LTBP2: variants seen among roughly 807,000 people sequenced by gnomAD.
LTBP2 encodes the protein latent transforming growth factor beta binding protein 2, also known as latent-transforming growth factor beta-binding protein 2.
Under a neutral mutation model 210.6 loss-of-function variants are expected in LTBP2, and 103 were observed. The ratio of observed to expected loss-of-function variants is 0.49; its 90% CI spans 0.42 to 0.58. The LOEUF (loss-of-function observed/expected upper bound fraction) is 0.58, where lower values mean the gene tolerates loss of function less well. Among genes scored for constraint, LTBP2 ranks in the 20% least tolerant of loss-of-function variants. The pLI, the probability that LTBP2 is intolerant of heterozygous loss-of-function variation, is 0.00. For synonymous variants in LTBP2, 1,007 were observed against 1,015.0 expected, an observed-to-expected ratio of 0.99 and a Z score of 0.15; for missense variants, 2,313 against 2,494.5, an observed-to-expected ratio of 0.93 and a Z score of 1.55.
At chr14:74,561,905 C>A (rs868667927) in intron 3 of LTBP2, among the ~76,000 whole-genome samples, 5 of 152,056 alleles carry the variant, frequency 3.3e-5, no homozygotes, top group South Asian at 2.1e-4. Flanking sequence ...GGCAGACATT[C>A]CAGATTAGAA....
intron 6 of LTBP2, among the ~76,000 whole-genome samples, chr14:74,551,752 C>CA: frequency 6.6e-6 from 1 of 152,206 alleles, no homozygotes; most frequent in East Asian, 1.9e-4. Context: ...ACGCAGCTGT[C>CA]CCAGAGCACT....
At chr14:74,532,302 C>T (rs977787228) in intron 10 of LTBP2, 124 bp downstream of exon 10, 1 of 1,356,968 alleles carries the variant, frequency 7.4e-7, no homozygotes, top group Non-Finnish European at 1.0e-6. Context: ...ATAGCCGACA[C>T]AGGCCCTGAG....
Position 74,526,068 on chromosome 14 carries a change from G to C in LTBP2, c.2428+7C>G, listed in dbSNP as rs1268974228. The C allele has an allele frequency of 1.9e-6, 3 of 1,603,066 alleles. No homozygotes were observed. Among genetic ancestry groups the C allele is most frequent in the Non-Finnish European group, 2.6e-6 (3 of 1,174,338 alleles). On this transcript the variant is annotated splice_region_variant and intron_variant, in intron 14 of 35. Coordinates refer to ENST00000261978, the MANE Select transcript of LTBP2 (RefSeq NM_000428.3). Reference sequence around the variant, plus strand: ...TTGCCTAGGAGCCGCCAGGAAGAGGGACTCACCTGTGACCCAGGCAGGTGC... The same window carrying C: ...TTGCCTAGGAGCCGCCAGGAAGAGGCACTCACCTGTGACCCAGGCAGGTGC...
intron 3 of LTBP2, among the ~76,000 whole-genome samples, chr14:74,571,433 T>TA: frequency 6.6e-6 from 1 of 152,322 alleles, no homozygotes; most frequent in South Asian, 2.1e-4. Context: ...TTCCATAAGG[T>TA]AGCAATGATC....
chr14:74,551,403 T>G, intron 6 of LTBP2, 53 bp from the exon 7 acceptor site: 1 of 1,484,222 alleles, frequency 6.7e-7, no homozygotes, highest in Middle Eastern at 2.5e-4. Context: ...CACCCTCATT[T>G]CCAACCCTCT....
At chr14:74,608,810 C>T (rs534173126) in intron 1 of LTBP2, among the ~76,000 whole-genome samples, 2 of 150,838 alleles carry the variant, frequency 1.3e-5, no homozygotes, top group Admixed American at 6.6e-5. Flanking sequence ...AGCGTAGGGA[C>T]GGTGTCCACT....
chr14:74,539,419 A>G (rs1429874458), intron 8 of LTBP2, among the ~76,000 whole-genome samples: 1 of 152,162 alleles, frequency 6.6e-6, no homozygotes, highest in Non-Finnish European at 1.5e-5. Context: ...CAAGAGGGAG[A>G]AATGATGTTG....
At chr14:74,569,405 C>T (rs1017646921) in intron 3 of LTBP2, among the ~76,000 whole-genome samples, 3 of 152,124 alleles carry the variant, frequency 2.0e-5, no homozygotes, top group Non-Finnish European at 4.4e-5. Context: ...TGCAGGAGAC[C>T]CCCTCTTAGC....
Position 74,501,022 on chromosome 14 carries a change from A to G in LTBP2, c.5328T>C (p.Asn1776=), listed in dbSNP as rs763087605. ...DAAHMACVDV[N]ECDDLNGPAV... Reference sequence around the variant, plus strand: ...CAGGCCCGTTCAAGTCATCACACTCATTCACATCTAAGAGGAAACAAAGGA... The same window carrying G: ...CAGGCCCGTTCAAGTCATCACACTCGTTCACATCTAAGAGGAAACAAAGGA... The change falls in exon 36 of 36, where the codon AAT becomes AAC. Residue 1776 remains asparagine (N), a synonymous_variant. Transcript: ENST00000261978. 1.9e-6 allele frequency: 3 copies of G among 1,613,640 alleles called. No homozygotes were observed. Among genetic ancestry groups the G allele is most frequent in the Non-Finnish European group, 2.5e-6 (3 of 1,179,796 alleles).
At chr14:74,593,018 G>A (rs112533429) in intron 2 of LTBP2, among the ~76,000 whole-genome samples, 3 of 152,222 alleles carry the variant, frequency 2.0e-5, no homozygotes, top group African/African-American at 7.2e-5. Flanking sequence ...TGGGTGTTCC[G>A]CTCTGTGGAG....
intron 17 of LTBP2, among the ~76,000 whole-genome samples, chr14:74,517,389 TG>T: frequency 6.6e-6 from 1 of 152,156 alleles, no homozygotes; most frequent in Admixed American, 6.5e-5. Flanking sequence ...GTTTCGCTCT[TG>T]TTGCCCAGGC....
At chr14:74,532,287 G>T in intron 10 of LTBP2, 139 bp downstream of exon 10, 1 of 1,198,560 alleles carries the variant, frequency 8.3e-7, no homozygotes, top group East Asian at 2.4e-5. Flanking sequence ...CCAACTCCAG[G>T]TTGAATAGCC....
At chr14:74,535,313 C>A (rs745728930) in intron 9 of LTBP2, among the ~76,000 whole-genome samples, 2 of 152,156 alleles carry the variant, frequency 1.3e-5, no homozygotes, top group East Asian at 1.9e-4. Context: ...CCCAGCTCCA[C>A]CCAAAGCAAA....
intron 2 of LTBP2, among the ~76,000 whole-genome samples, chr14:74,594,042 G>A (rs1056181498): frequency 2.6e-5 from 4 of 152,112 alleles, no homozygotes; most frequent in Admixed American, 2.6e-4. Flanking sequence ...TTTTATGGAC[G>A]AGGCCCTGTG....
At chr14:74,554,141 A>G (rs994073250) in intron 4 of LTBP2, among the ~76,000 whole-genome samples, 1 of 152,138 alleles carries the variant, frequency 6.6e-6, no homozygotes, top group Non-Finnish European at 1.5e-5. Context: ...ATGGCGTGAA[A>G]GGAATCGTCA....
chr14:74,525,742 G>C (rs939036225), intron 14 of LTBP2, among the ~76,000 whole-genome samples: 3 of 152,178 alleles, frequency 2.0e-5, no homozygotes, highest in African/African-American at 7.2e-5. Flanking sequence ...AAGACCTCTT[G>C]GGGGAAAGAG....
chr14:74,540,830 A>ACATATT (rs1555350191), intron 8 of LTBP2, among the ~76,000 whole-genome samples: 2 of 68,646 alleles, frequency 2.9e-5, no homozygotes, highest in Non-Finnish European at 5.8e-5. Flanking sequence ...ATTTTTATAT[A>ACATATT]ATATATATTT....
intron 8 of LTBP2, 50 bp downstream of exon 8, chr14:74,549,813 C>T: frequency 1.3e-6 from 2 of 1,485,532 alleles, no homozygotes; most frequent in East Asian, 2.3e-5. Context: ...AGAGGGCAGG[C>T]CCAGGGAGAG....
chr14:74,562,365 C>A (rs2087806018), intron 3 of LTBP2, among the ~76,000 whole-genome samples: 1 of 152,138 alleles, frequency 6.6e-6, no homozygotes, highest in African/African-American at 2.4e-5. Flanking sequence ...CAATTCAATG[C>A]CTATCAGGTG....
Sources: allele counts gnomAD v4.1 joint callset (sites outside exome capture counted in the v4.1 genomes callset), GRCh38; gene constraint gnomAD v4.1.1; transcripts MANE v1.5; gene names NCBI Gene and HGNC (gene_info 2026-07-23, HGNC 2026-07-21).